Variants in CIC observed in about 807,000 individuals in gnomAD.
CIC encodes protein capicua homolog.
A neutral mutation model predicts 115.7 loss-of-function variants in CIC; 18 were observed. The observed-to-expected ratio is 0.16, with a 90% confidence interval of 0.11 to 0.23. CIC has a LOEUF of 0.23. Among genes scored for constraint, CIC ranks in the 10% least tolerant of loss-of-function variants. The pLI, the probability that CIC is intolerant of heterozygous loss-of-function variation, is 1.00. For synonymous variants in CIC, 1,076 were observed against 923.0 expected, an observed-to-expected ratio of 1.17 and a Z score of -3.01; for missense variants, 2,000 against 2,159.3, an observed-to-expected ratio of 0.93 and a Z score of 1.46.
chr19:42,288,263 C>G (rs894631385), intron 7 of CIC, among the ~76,000 whole-genome samples: 14 of 152,146 alleles, frequency 9.2e-5, no homozygotes. Context: ...CTGCAAAACC[C>G]CATTCTATTT....
At chr19:42,271,504 G>C (rs2036789462) in intron 1 of CIC, among the ~76,000 whole-genome samples, 1 of 152,186 alleles carries the variant, frequency 6.6e-6, no homozygotes, top group Admixed American at 6.5e-5. Flanking sequence ...GTCCCCTTGG[G>C]GCATTCAGAG....
chr19:42,286,698 G>A (rs573439613), intron 2 of CIC, 73 bp from the exon 3 acceptor site: 2 of 1,603,134 alleles, frequency 1.2e-6, no homozygotes, highest in African/African-American at 1.3e-5. Context: ...CCTCATCTAG[G>A]GTGGGGAAGA....
Position 42,294,044 on chromosome 19 carries a change from C to G in CIC, c.6877C>G (p.Arg2293Gly), listed in dbSNP as rs1355435851. The G allele has an allele frequency of 1.9e-6, 3 of 1,613,576 alleles. No homozygotes were observed. Among genetic ancestry groups the G allele is most frequent in the South Asian group, 1.1e-5 (1 of 91,086 alleles). Residue 2293 changes from arginine (R) to glycine (G), a missense_variant, in exon 18 of 21, where the codon CGG becomes GGG. This residue lies in a region of CIC where 99 missense variants were observed against 217.6 expected (regional missense o/e 0.45). Coordinates refer to ENST00000681038, the MANE Select transcript of CIC (RefSeq NM_001386298.1). ...CCTGCAGTCTCTGGCCACCTCACCC[C>G]GGGCCATCCTGGGCTCTTACCGCAA... ...PTLQSLATSP[R>G]AILGSYRKKR...
intron 2 of CIC, among the ~76,000 whole-genome samples, chr19:42,286,522 G>A (rs937433876): frequency 6.6e-6 from 1 of 152,000 alleles, no homozygotes; most frequent in East Asian, 1.9e-4. Context: ...GGAGATTGGT[G>A]GGGGGAGGAG....
upstream of CIC, among the ~76,000 whole-genome samples, chr19:42,268,891 C>G (rs1345772610): frequency 6.6e-6 from 1 of 152,204 alleles, no homozygotes; most frequent in Admixed American, 6.5e-5. Flanking sequence ...GCTACTGTCC[C>G]TCACAGAGGC....
chr19:42,291,786 C>T (rs745921305), intron 12 of CIC, 41 bp downstream of exon 12: 2 of 1,606,510 alleles, frequency 1.2e-6, no homozygotes, highest in Middle Eastern at 1.7e-4. Flanking sequence ...GATGTTGGCC[C>T]CTGTACCCCA....
intron 10 of CIC, 26 bp downstream of exon 10, chr19:42,289,977 C>T: frequency 6.5e-7 from 1 of 1,540,826 alleles, no homozygotes; most frequent in Non-Finnish European, 8.9e-7. Flanking sequence ...ACGGTGCTGT[C>T]CCATCACACT....
intron 16 of CIC, 118 bp from the exon 17 acceptor site, chr19:42,293,474 G>A (rs903623939): frequency 7.1e-5 from 110 of 1,540,974 alleles, no homozygotes; most frequent in African/African-American, 7.0e-4. Flanking sequence ...TCCTGAGGCC[G>A]TGTGACAGCC....
intron 2 of CIC, among the ~76,000 whole-genome samples, chr19:42,275,016 T>C (rs1056003062): frequency 1.3e-5 from 2 of 152,188 alleles, no homozygotes; most frequent in African/African-American, 4.8e-5. Flanking sequence ...TAAAGACCCT[T>C]TTCAAATATT....
At chr19:42,283,888 A>T (rs1270736530) in intron 2 of CIC, 6 of 150,902 alleles carry the variant, frequency 4.0e-5, no homozygotes, top group Admixed American at 6.6e-5. Context: ...CATATGACTG[A>T]CGTTCCCCCG....
At chr19:42,271,376 T>C (rs373707058) in intron 1 of CIC, among the ~76,000 whole-genome samples, 1 of 152,336 alleles carries the variant, frequency 6.6e-6, no homozygotes, top group East Asian at 1.9e-4. Flanking sequence ...ATGAGGCCGA[T>C]AGTAGCACCT....
Position 42,272,751 on chromosome 19 carries a change from G to C in CIC, c.968G>C (p.Arg323Pro). The change falls in exon 2 of 21, where the codon CGT becomes CCT. Residue 323 changes from arginine to proline, a missense_variant. By Grantham distance (103) the Arg-to-Pro change is moderately radical. Around this residue, in one of 8 missense-constraint regions of CIC, gnomAD observed 222 missense variants for 247.7 expected, o/e 0.90. Transcript: ENST00000681038. Reference sequence around the variant, plus strand: ...CCGCAGCCCCCACAGCCACTGCACCGTGAGCCAGAGGAGGCTGTGTGGGTG... The same window carrying C: ...CCGCAGCCCCCACAGCCACTGCACCCTGAGCCAGAGGAGGCTGTGTGGGTG... ...SLPQPPQPLH[R>P]EPEEAVWVAR... 2.5e-6 allele frequency: 1 copy of C among 398,886 alleles called. No homozygotes were observed. The allele number at this position is 398,886 out of a possible 1,614,324, so 24.7% of individuals were successfully genotyped here.
chr19:42,292,623 C>G lies in CIC; in HGVS notation c.5960C>G (p.Pro1987Arg), dbSNP rs1373877859. ...GQVGVSPVPS[P>R]QLPPACAAPG... is the part of the protein sequence containing the mutation. The stretch of plus-strand genomic sequence containing the variant: ...GTGGGCGTGTCACCTGTGCCCAGTC[C>G]CCAGCTGCCGCCTGCCTGTGCAGCC... Residue 1987 changes from proline (P) to arginine (R), a missense_variant, in exon 15 of 21, where the codon CCC (proline) becomes CGC (arginine). Physicochemically the swap from Pro to Arg is moderately radical, Grantham distance 103. Transcript: ENST00000681038. The G allele has an allele frequency of 6.2e-7, 1 of 1,613,336 alleles. No homozygotes were observed. The highest frequency in any genetic ancestry group is 8.5e-7 in the Non-Finnish European group (1 of 1,179,910).
chr19:42,279,778 C>T (rs1169944406), intron 2 of CIC, among the ~76,000 whole-genome samples: 5 of 152,162 alleles, frequency 3.3e-5, no homozygotes, highest in African/African-American at 7.2e-5. Context: ...TGGAGACCGC[C>T]CTGGAAAGGC....
intron 12 of CIC, 77 bp downstream of exon 12, chr19:42,291,822 C>CT: frequency 1.3e-6 from 2 of 1,546,378 alleles, no homozygotes; most frequent in Admixed American, 1.7e-5. Flanking sequence ...TTTTTTCAGT[C>CT]TTTTCTCCTT....
intron 2 of CIC, among the ~76,000 whole-genome samples, chr19:42,276,829 T>C (rs529034441): frequency 6.6e-6 from 1 of 151,776 alleles, no homozygotes; most frequent in Admixed American, 6.6e-5. Flanking sequence ...TCCTGCTGTG[T>C]GGGGAGGAAT....
chr19:42,293,173 A>C lies in CIC; in HGVS notation c.6414A>C (p.Pro2138=), dbSNP rs2038271314. 7 of 1,600,892 alleles carry C rather than the reference A, an allele frequency of 4.4e-6. No homozygotes were observed. The highest frequency in any genetic ancestry group is 6.0e-6 in the Non-Finnish European group (7 of 1,175,014). Residue 2138 remains proline, a synonymous_variant, in exon 16 of 21, where the codon CCA becomes CCC. Transcript: ENST00000681038. ...PESELEGQPT[P]PAPPPLPETW... ...CTGAGCTTGAGGGGCAGCCCACACC[A>C]CCAGCCCCTCCACCCCTGCCAGAGA... is the stretch of plus-strand genomic sequence containing the variant.
intron 2 of CIC, among the ~76,000 whole-genome samples, chr19:42,283,560 GGAGTGT>G (rs1177072170): frequency 6.6e-6 from 1 of 152,136 alleles, no homozygotes; most frequent in African/African-American, 2.4e-5. Context: ...ATGTCTGTGA[GGAGTGT>G]GAGTGTGAGT....
chr19:42,291,376 A>G lies in CIC; in HGVS notation c.5335A>G (p.Thr1779Ala), dbSNP rs1257651387. ...CATCCGTTTCACCCTCCCACCGGGC[A>G]CTTCCACCAACGGCAAAGTCCTGGC... ...TSIRFTLPPG[T>A]STNGKVLAAT... The change falls in exon 11 of 21, where the codon ACT (threonine) becomes GCT (alanine). Residue 1779 changes from threonine to alanine, a missense_variant. Transcript: ENST00000681038. 4 of 1,612,330 alleles carry G rather than the reference A, an allele frequency of 2.5e-6. No homozygotes were observed. Among genetic ancestry groups the G allele is most frequent in the Non-Finnish European group, 3.4e-6 (4 of 1,179,686 alleles).
Sources: allele counts gnomAD v4.1 joint callset (sites outside exome capture counted in the v4.1 genomes callset), GRCh38; gene constraint gnomAD v4.1.1; regional missense constraint gnomAD v4.1.1; transcripts MANE v1.5; gene names NCBI Gene and HGNC (gene_info 2026-07-23, HGNC 2026-07-21).